Variants in SYMPK observed in about 807,000 individuals in gnomAD.
The protein encoded by SYMPK is symplekin scaffold protein, also known as symplekin.
SYMPK carries 49 observed loss-of-function variants against 136.4 expected under a neutral mutation model. The ratio of observed to expected loss-of-function variants is 0.36; its 90% CI spans 0.29 to 0.46. SYMPK has a LOEUF of 0.46. Ranked by LOEUF, SYMPK falls within the 20% of genes least tolerant of loss-of-function variation. The pLI is 1.00. For missense variants in SYMPK, 1,365 were observed against 1,690.0 expected, an observed-to-expected ratio of 0.81 and a Z score of 3.37; for synonymous variants, 766 against 713.0, an observed-to-expected ratio of 1.07 and a Z score of -1.19.
rs150435165 is a variant in SYMPK, at chr19:45,849,005, T to G, written c.300-129A>C. 3.0e-4 allele frequency: 339 copies of G among 1,113,096 alleles called. 2 individuals are homozygous for G. In the East Asian group the frequency reaches 7.9e-3, roughly 26 times the overall value. 69.0% of individuals were successfully genotyped at this position (1,113,096 alleles called of 1,614,324 possible). A position where few individuals can be genotyped will look rare whatever the true frequency, so the allele number is the denominator to read the frequency against. ...GGACCGGAATGGCACATCCAGAAGC[T>G]GGGAACAGTGCTTGGTGCCTCCAGA... On this transcript the variant is annotated intron_variant, in intron 5 of 26. Coordinates refer to ENST00000245934, the MANE Select transcript of SYMPK (RefSeq NM_004819.3).
intron 1 of SYMPK, 37 bp downstream of exon 1, chr19:45,863,021 C>G (rs34086257): frequency 0.086 from 34,584 of 401,228 alleles, 1,868 homozygotes; most frequent in Middle Eastern, 0.15. Flanking sequence ...GAGCCTCCTC[C>G]TTTCGTCTCC....
intron 7 of SYMPK, among the ~76,000 whole-genome samples, chr19:45,845,005 A>G (rs187871341): frequency 1.2e-4 from 19 of 152,326 alleles, no homozygotes; most frequent in African/African-American, 4.3e-4. Flanking sequence ...TCTCCATCAC[A>G]AGCATTTATC....
chr19:45,817,417 C>CTCTCTTTTTTTT (rs1568605965), intron 23 of SYMPK, among the ~76,000 whole-genome samples: 2 of 108,480 alleles, frequency 1.8e-5, no homozygotes, highest in African/African-American at 3.5e-5. Flanking sequence ...TTTTTGTTCT[C>CTCTCTTTTTTTT]TTTTTTTTTT....
At chr19:45,847,720 T>C (rs752728160) in intron 7 of SYMPK, 32 bp downstream of exon 7, 1 of 1,594,152 alleles carries the variant, frequency 6.3e-7, no homozygotes, top group Non-Finnish European at 8.6e-7. Context: ...GGTGCAGGGC[T>C]GTCAGGGGTG....
chr19:45,845,328 C>A (rs1971534536), intron 7 of SYMPK, among the ~76,000 whole-genome samples: 1 of 152,036 alleles, frequency 6.6e-6, no homozygotes, highest in Admixed American at 6.6e-5. Flanking sequence ...ACCCATTAAC[C>A]ATTCCCACTT....
intron 8 of SYMPK, 132 bp from the exon 9 acceptor site, chr19:45,842,621 T>C: frequency 7.7e-7 from 1 of 1,304,126 alleles, no homozygotes; most frequent in Non-Finnish European, 1.0e-6. Flanking sequence ...CCCTCAGATC[T>C]AACGTGTGGC....
At position 45,831,560 on chromosome 19, in the gene SYMPK, C is replaced by T; in HGVS notation, c.1422G>A (p.Glu474=). ...TCACCACCTTCTCCTCCTTGGGCTC[C>T]TCCTTGCACTGTTTGGTCTGCTCTA... ...PGVEQTKQCK[E]EPKEEKVVKT... Residue 474 remains glutamate (E), a synonymous_variant, in exon 12 of 27, where the codon GAG becomes GAA. Transcript: ENST00000245934. 3 of 1,609,532 alleles carry T rather than the reference C, an allele frequency of 1.9e-6. No homozygotes were observed. Among genetic ancestry groups the T allele is most frequent in the Non-Finnish European group, 2.5e-6 (3 of 1,177,982 alleles).
intron 24 of SYMPK, 55 bp downstream of exon 24, chr19:45,816,743 G>A (rs1039455933): frequency 6.8e-6 from 10 of 1,473,364 alleles, no homozygotes; most frequent in African/African-American, 1.4e-5. Flanking sequence ...CCAGGGGGCC[G>A]CCCACCGCAC....
At chr19:45,820,678 AG>A in intron 22 of SYMPK, 1 of 157,814 alleles carries the variant, frequency 6.3e-6, no homozygotes, top group African/African-American at 2.4e-5. Context: ...GGTGGTCCTT[AG>A]ACGCGGAACC....
intron 12 of SYMPK, 59 bp from the exon 13 acceptor site, chr19:45,830,263 G>C (rs1426273173): frequency 1.9e-6 from 3 of 1,548,568 alleles, no homozygotes; most frequent in Non-Finnish European, 2.6e-6. Context: ...AGGCCTGTCT[G>C]GTGACTCTCC....
At chr19:45,815,815 G>C (rs200638574) in intron 26 of SYMPK, 36 bp downstream of exon 26, 5 of 1,604,270 alleles carry the variant, frequency 3.1e-6, no homozygotes, top group South Asian at 2.2e-5. Flanking sequence ...GCCCAGATCC[G>C]GCTTCTTCCT....
At chr19:45,835,925 G>A (rs1971290606) in intron 10 of SYMPK, among the ~76,000 whole-genome samples, 3 of 151,220 alleles carry the variant, frequency 2.0e-5, no homozygotes, top group Admixed American at 1.3e-4. Flanking sequence ...CATAAAGAAA[G>A]AAAGAAAGAA....
At chr19:45,828,874 G>T in intron 14 of SYMPK, 96 bp downstream of exon 14, 2 of 1,221,646 alleles carry the variant, frequency 1.6e-6, no homozygotes, top group African/African-American at 1.5e-5. Flanking sequence ...GACTCGGGGG[G>T]TGACGAAGAG....
intron 18 of SYMPK, among the ~76,000 whole-genome samples, chr19:45,824,485 C>T (rs1160650092): frequency 6.6e-6 from 1 of 152,172 alleles, no homozygotes; most frequent in East Asian, 1.9e-4. Context: ...TCTGTTTCCT[C>T]CCAACTACAA....
In SYMPK at chr19:45,838,627, G is replaced by T. The variant is rs376504556; in HGVS notation, c.1088-12C>A. On this transcript the variant is annotated splice_polypyrimidine_tract_variant and intron_variant, in intron 9 of 26. Coordinates refer to ENST00000245934, the MANE Select transcript of SYMPK (RefSeq NM_004819.3). Reference sequence around the variant, plus strand: ...CCCCAGGTTGGGCTCTGGGATGAGGGAAAAGAACAAGATGCTGGCTATAGA... The same window carrying T: ...CCCCAGGTTGGGCTCTGGGATGAGGTAAAAGAACAAGATGCTGGCTATAGA... 2 of 1,611,872 alleles carry T rather than the reference G, an allele frequency of 1.2e-6. No individual in the cohort carries two copies. Among genetic ancestry groups the T allele is most frequent in the Non-Finnish European group, 8.5e-7 (1 of 1,178,538 alleles).
chr19:45,823,642 C>T, intron 19 of SYMPK, 125 bp downstream of exon 19: 1 of 1,000,652 alleles, frequency 1.0e-6, no homozygotes, highest in Non-Finnish European at 1.5e-6. Flanking sequence ...AACTGAGGCC[C>T]TAGGACAGGC....
chr19:45,816,287 G>A (rs1970734942), intron 25 of SYMPK, 104 bp from the exon 26 acceptor site: 2 of 1,120,258 alleles, frequency 1.8e-6, no homozygotes, highest in Non-Finnish European at 1.2e-6. Context: ...TCTTCACCAA[G>A]AGCATGGGGA....
intron 8 of SYMPK, among the ~76,000 whole-genome samples, chr19:45,843,369 T>C (rs1971487181): frequency 6.6e-6 from 1 of 152,126 alleles, no homozygotes; most frequent in Non-Finnish European, 1.5e-5. Flanking sequence ...CGGTTTTCGT[T>C]TCACAAAACA....
Position 45,827,568 on chromosome 19 carries a change from G to A in SYMPK, c.2123C>T (p.Ser708Phe), listed in dbSNP as rs1177360933. 1 of 1,614,066 alleles carries A rather than the reference G, an allele frequency of 6.2e-7. No homozygotes were observed. ...TLRDLIFKRP[S>F]RQFQYLHVLL... Reference sequence around the variant, plus strand: ...GACATGCAGGTACTGGAACTGGCGGGACGGGCGCTTGAAGATCAGGTCTCG... The same window carrying A: ...GACATGCAGGTACTGGAACTGGCGGAACGGGCGCTTGAAGATCAGGTCTCG... Residue 708 changes from serine (S) to phenylalanine (F), a missense_variant, in exon 16 of 27, where the codon TCC becomes TTC. Transcript: ENST00000245934.
Sources: gnomAD v4.1 joint callset for allele counts (sites outside exome capture counted in the v4.1 genomes callset) on GRCh38, gnomAD v4.1.1 for gene constraint, MANE v1.5 for transcripts, NCBI Gene and HGNC (gene_info 2026-07-23, HGNC 2026-07-21) for gene names.